Variants in XDH observed in about 807,000 individuals in gnomAD.
The protein encoded by XDH is xanthine dehydrogenase, also known as xanthine dehydrogenase/oxidase.
In XDH, 138 loss-of-function variants were observed where a neutral mutation model predicts 156.1. The ratio of observed to expected loss-of-function variants is 0.88; its 90% confidence interval spans 0.77 to 1.02. The LOEUF (loss-of-function observed/expected upper bound fraction) is 1.02, where lower values mean the gene tolerates loss of function less well. XDH is among the 50% of genes least tolerant of loss of function. The pLI is 0.00. For missense variants in XDH, 1,849 were observed against 1,684.9 expected (o/e 1.10, Z -1.71); for synonymous variants, 669 against 625.7 (o/e 1.07, Z -1.03).
chr2:31,372,651 T>C (rs1414108513), intron 16 of XDH, among the ~76,000 whole-genome samples: 2 of 152,152 alleles, frequency 1.3e-5, no homozygotes, highest in African/African-American at 4.8e-5. Flanking sequence ...ATTGGGTAAA[T>C]AAATTATGCA....
rs376890859 is a variant in XDH, at chr2:31,403,037, G to A, written c.197+11C>T. 8.1e-6 allele frequency: 13 copies of A among 1,613,848 alleles called. No homozygotes were observed. The African/African-American group carries it at 1.5e-4, about 18-fold the overall frequency. On this transcript the variant is annotated intron_variant, in intron 3 of 35. Coordinates refer to ENST00000379416, the MANE Select transcript of XDH (RefSeq NM_000379.4). Reference sequence around the variant, plus strand: ...CCCCATGTGGGTGGTCAGCCAGCAGGCAAAGGATACACGATCTTGTTCTGC... The same window carrying A: ...CCCCATGTGGGTGGTCAGCCAGCAGACAAAGGATACACGATCTTGTTCTGC...
intron 31 of XDH, among the ~76,000 whole-genome samples, chr2:31,343,044 A>ATG (rs757745258): frequency 4.6e-5 from 7 of 151,982 alleles, no homozygotes; most frequent in Non-Finnish European, 8.8e-5. Flanking sequence ...ACATGAGCTG[A>ATG]TATGACCAGA....
intron 22 of XDH, among the ~76,000 whole-genome samples, 182 bp from the exon 23 acceptor site, chr2:31,365,726 G>A (rs910954672): frequency 6.6e-6 from 1 of 152,194 alleles, no homozygotes; most frequent in African/African-American, 2.4e-5. Context: ...AGGAAGCGAG[G>A]TATGTGCTTT....
intron 6 of XDH, among the ~76,000 whole-genome samples, chr2:31,395,382 T>C (rs114248797): frequency 6.6e-6 from 1 of 152,118 alleles, no homozygotes; most frequent in Non-Finnish European, 1.5e-5. Flanking sequence ...CTCCCCAAGG[T>C]AGGCGAGGAT....
At chr2:31,349,573 C>A in intron 26 of XDH, 113 bp downstream of exon 26, 6 of 1,488,674 alleles carry the variant, frequency 4.0e-6, no homozygotes, top group Non-Finnish European at 5.6e-6. Flanking sequence ...TTGGCAAACT[C>A]AGCAGTCTCA....
intron 2 of XDH, among the ~76,000 whole-genome samples, chr2:31,403,576 C>T (rs1254587805): frequency 6.6e-6 from 1 of 152,114 alleles, no homozygotes; most frequent in African/African-American, 2.4e-5. Context: ...TTGATCTGTT[C>T]TGGGACCTCT....
At chr2:31,343,306 A>ATATATATATATATATATATGCATGTT (rs1685178174) in intron 31 of XDH, among the ~76,000 whole-genome samples, 12 of 107,148 alleles carry the variant, frequency 1.1e-4, no homozygotes, top group African/African-American at 3.3e-4. Flanking sequence ...ATATATATAT[A>ATATATATATATATATATATGCATGTT]TATATATATA....
intron 1 of XDH, among the ~76,000 whole-genome samples, chr2:31,413,353 G>T (rs1283417344): frequency 6.6e-6 from 1 of 152,114 alleles, no homozygotes; most frequent in African/African-American, 2.4e-5. Context: ...TGAAAGCTTT[G>T]CCCTACTTCT....
chr2:31,338,767 A>G (rs1356387601), intron 34 of XDH, among the ~76,000 whole-genome samples: 1 of 111,262 alleles, frequency 9.0e-6, no homozygotes, highest in African/African-American at 3.5e-5. Flanking sequence ...TCTGTCGCCC[A>G]GGCTGGGGTG....
chr2:31,365,738 AT>A (rs1685896714), intron 22 of XDH, among the ~76,000 whole-genome samples, 194 bp from the exon 23 acceptor site: 1 of 152,226 alleles, frequency 6.6e-6, no homozygotes, highest in Admixed American at 6.5e-5. Context: ...ATGTGCTTTC[AT>A]TTAGAGAGCT....
At chr2:31,346,921 G>A in intron 29 of XDH, 78 bp from the exon 30 acceptor site, 1 of 1,588,232 alleles carries the variant, frequency 6.3e-7, no homozygotes. Context: ...GAGGGCCCCA[G>A]CAAGGCTACC....
rs1685927946 is a variant in XDH, at chr2:31,366,889, T to C, written c.2303A>G (p.Gln768Arg). The C allele has an allele frequency of 6.2e-7, 1 of 1,614,096 alleles. No individual in the cohort carries two copies. ...AGEMELFVST[Q>R]NTMKTQSFVA... is the part of the protein sequence containing the mutation. Reference sequence around the variant, plus strand: ...ATCTACCTGGGTCTTCATGGTGTTCTGTGTAGACACAAAGAGCTCCATCTC... The same window carrying C: ...ATCTACCTGGGTCTTCATGGTGTTCCGTGTAGACACAAAGAGCTCCATCTC... Residue 768 changes from glutamine (Q) to arginine (R), a missense_variant, in exon 21 of 36, where the codon CAG becomes CGG. Physicochemically the swap from Gln to Arg is conservative, Grantham distance 43. Coordinates refer to ENST00000379416, the MANE Select transcript of XDH (RefSeq NM_000379.4).
rs1310305430 is a variant in XDH, at chr2:31,405,902, G to A, written c.100+5C>T. The A allele has an allele frequency of 5.0e-6, 8 of 1,613,932 alleles. No individual in the cohort carries two copies. Among genetic ancestry groups the A allele is most frequent in the African/African-American group, 1.3e-5 (1 of 74,872 alleles). ...TCCGTCACTCCCACTCCAAAGTCAGGATACACTTTCTTCTCAGGTAGGCCA... is the reference window on the plus strand; with the variant it reads ...TCCGTCACTCCCACTCCAAAGTCAGAATACACTTTCTTCTCAGGTAGGCCA... On this transcript the variant is annotated splice_donor_5th_base_variant and intron_variant, in intron 2 of 35. Coordinates refer to ENST00000379416, the MANE Select transcript of XDH (RefSeq NM_000379.4).
In XDH at chr2:31,388,235, C is replaced by A; in HGVS notation, c.556G>T (p.Asp186Tyr). The A allele has an allele frequency of 6.2e-7, 1 of 1,614,194 alleles. No individual in the cohort carries two copies. The highest frequency in any genetic ancestry group is 8.5e-7 in the Non-Finnish European group (1 of 1,180,026). ...NPNCCMNQKKDHSVSLSPSLF... is the reference protein window; with the variant it reads ...NPNCCMNQKKYHSVSLSPSLF... ...GAGAAGAACTCACTTACTGAGTGGT[C>A]TTTCTTCTGGTTCATGCAGCAATTT... The change falls in exon 7 of 36, where the codon GAC (aspartate) becomes TAC (tyrosine). Residue 186 changes from aspartate (D) to tyrosine (Y), a missense_variant. Physicochemically the swap from Asp to Tyr is radical, Grantham distance 160. Transcript: ENST00000379416.
intron 24 of XDH, among the ~76,000 whole-genome samples, chr2:31,359,811 A>G (rs1319975130): frequency 2.6e-5 from 4 of 152,198 alleles, no homozygotes; most frequent in African/African-American, 9.7e-5. Flanking sequence ...AAAATTTTAA[A>G]TGTGTCCTAA....
rs1687178952 is a variant in XDH, at chr2:31,405,891, T to C, written c.100+16A>G. On this transcript the variant is annotated intron_variant, in intron 2 of 35. Transcript: ENST00000379416. ...TGCCCCCCTTCTCCGTCACTCCCAC[T>C]CCAAAGTCAGGATACACTTTCTTCT... is the stretch of plus-strand genomic sequence containing the variant. The C allele has an allele frequency of 2.5e-6, 4 of 1,614,030 alleles. No homozygotes were observed. In the East Asian group the frequency reaches 8.9e-5, roughly 36 times the overall value.
chr2:31,407,164 C>T (rs1002995859), intron 1 of XDH, among the ~76,000 whole-genome samples: 1 of 152,206 alleles, frequency 6.6e-6, no homozygotes, highest in Admixed American at 6.5e-5. Context: ...CCACCTCAAA[C>T]TTAGTGAGGG....
chr2:31,347,564 C>A lies in XDH; in HGVS notation c.3234G>T (p.Thr1078=), dbSNP rs111951522. ...STNTVPNTSP[T]AASVSADLNG... Reference sequence around the variant, plus strand: ...TGAGGTCAGCGCTGACAGAGGCAGCCGTGGGAGAGGTGTTGGGCACAGTGT... The same window carrying A: ...TGAGGTCAGCGCTGACAGAGGCAGCAGTGGGAGAGGTGTTGGGCACAGTGT... Residue 1078 remains threonine (T), a synonymous_variant, in exon 29 of 36, where the codon ACG becomes ACT. Transcript: ENST00000379416. 3 of 1,613,950 alleles carry A rather than the reference C, an allele frequency of 1.9e-6. No homozygotes were observed.
chr2:31,388,051 T>C (rs1289993063), intron 7 of XDH, among the ~76,000 whole-genome samples, 154 bp from the exon 8 acceptor site: 2 of 151,196 alleles, frequency 1.3e-5, no homozygotes, highest in African/African-American at 4.9e-5. Context: ...AATGAGAGAG[T>C]CTCAGTTACA....
Sources: allele counts gnomAD v4.1 joint callset (sites outside exome capture counted in the v4.1 genomes callset), GRCh38; gene constraint gnomAD v4.1.1; transcripts MANE v1.5; gene names NCBI Gene and HGNC (gene_info 2026-07-23, HGNC 2026-07-21).